The following MAPK6 variants were observed in gnomAD, a reference collection of about 807,000 sequenced individuals.
MAPK6 encodes ERK-3.
Under a neutral mutation model 59.3 loss-of-function variants are expected in MAPK6, and 19 were observed. The observed-to-expected ratio is 0.32, with a 90% CI of 0.22 to 0.47. The LOEUF is 0.47. Ranked by LOEUF, MAPK6 falls within the 20% of genes least tolerant of loss-of-function variation. The pLI, the probability that MAPK6 is intolerant of heterozygous loss-of-function variation, is 1.00. For synonymous variants in MAPK6, 316 were observed against 290.3 expected (o/e 1.09, Z -0.90); for missense variants, 724 against 847.9 (o/e 0.85, Z 1.81).
chr15:52,018,309 G>A (rs1352113434), upstream of MAPK6, among the ~76,000 whole-genome samples: 3 of 152,224 alleles, frequency 2.0e-5, no homozygotes, highest in East Asian at 1.9e-4. Flanking sequence ...GATTACAGGC[G>A]TGAACCACCA....
In MAPK6 at chr15:52,061,353, CAGA is replaced by C. The variant is rs1399418079; in HGVS notation, c.926_928del (p.Glu309del). On this transcript the variant is annotated inframe_deletion, in exon 5 of 6. Coordinates refer to ENST00000261845, the MANE Select transcript of MAPK6 (RefSeq NM_002748.4). Reference sequence around the variant, plus strand: ...TTTAGCCCCATGGATCGGTTAACAGCAGAAGAAGCACTCTCCCATCCTTACATG... The same window carrying C: ...TTTAGCCCCATGGATCGGTTAACAGCAGAAGCACTCTCCCATCCTTACATG... 6.2e-7 allele frequency: 1 copy of C among 1,614,098 alleles called. No homozygotes were observed. Among genetic ancestry groups the C allele is most frequent in the Non-Finnish European group, 8.5e-7 (1 of 1,179,986 alleles).
intron 2 of MAPK6, among the ~76,000 whole-genome samples, chr15:51,985,192 A>G (rs537314097): frequency 6.6e-6 from 1 of 152,138 alleles, no homozygotes; most frequent in East Asian, 1.9e-4. Context: ...AAATTTTTTT[A>G]ATTAGCTGGG....
intron 1 of MAPK6, among the ~76,000 whole-genome samples, chr15:51,976,787 A>G (rs1348792140): frequency 6.6e-6 from 1 of 151,480 alleles, no homozygotes; most frequent in Non-Finnish European, 1.5e-5. Context: ...TACTAAAAAT[A>G]CAAAAATTAG....
At chr15:52,024,487 G>C (rs976627650) in intron 1 of MAPK6, 2 of 150,360 alleles carry the variant, frequency 1.3e-5, no homozygotes, top group Non-Finnish European at 2.9e-5. Flanking sequence ...TGCAAGCTCC[G>C]CCTCCTGGGT....
intron 3 of MAPK6, among the ~76,000 whole-genome samples, chr15:52,053,230 C>G (rs1245729734): frequency 6.6e-6 from 1 of 151,920 alleles, no homozygotes; most frequent in Non-Finnish European, 1.5e-5. Context: ...CTTGTGCCAC[C>G]ACGCCCAGCT....
chr15:52,061,618 TAAAGATACA>T, intron 5 of MAPK6, 118 bp downstream of exon 5: 2 of 802,360 alleles, frequency 2.5e-6, no homozygotes, highest in Non-Finnish European at 3.8e-6. Context: ...TTTAGTAATG[TAAAGATACA>T]AAAATTAGTC....
At chr15:51,971,846 A>G (rs2057127658) in exon 1 of MAPK6, 2 of 1,278,946 alleles carry the variant, frequency 1.6e-6, no homozygotes, top group African/African-American at 1.5e-5. Flanking sequence ...GATTCGCCGA[A>G]GACACTCCTT....
intron 2 of MAPK6, among the ~76,000 whole-genome samples, chr15:51,983,849 C>A (rs867967130): frequency 6.6e-6 from 1 of 151,830 alleles, no homozygotes; most frequent in Non-Finnish European, 1.5e-5. Context: ...TTTGAAAGGG[C>A]AATTTGGTAT....
At chr15:52,030,871 A>G (rs1045419310) in intron 1 of MAPK6, among the ~76,000 whole-genome samples, 4 of 149,626 alleles carry the variant, frequency 2.7e-5, no homozygotes, top group African/African-American at 7.4e-5. Flanking sequence ...GGCTGACTGC[A>G]GTCTCTGCCT....
chr15:52,020,010 T>G (rs1286131056), intron 1 of MAPK6: 1 of 152,430 alleles, frequency 6.6e-6, no homozygotes, highest in Admixed American at 6.5e-5. Context: ...TCCGCCCAAG[T>G]TTTGAGTCTT....
chr15:51,997,561 G>A (rs1566895795), intron 2 of MAPK6, among the ~76,000 whole-genome samples: 1 of 151,450 alleles, frequency 6.6e-6, no homozygotes, highest in African/African-American at 2.4e-5. Context: ...CCCGGCCCAG[G>A]CAAATTTTTA....
chr15:52,044,770 A>T (rs1219059583), intron 1 of MAPK6, among the ~76,000 whole-genome samples: 2 of 152,242 alleles, frequency 1.3e-5, no homozygotes, highest in South Asian at 2.1e-4. Flanking sequence ...ATGAACCTTC[A>T]TATACATACC....
chr15:52,016,070 G>GCGCGCACACACACACACACACA, upstream of MAPK6, among the ~76,000 whole-genome samples: 1 of 55,392 alleles, frequency 1.8e-5, no homozygotes. Context: ...GCGCGCGCGC[G>GCGCGCACACACACACACACACA]CACACACACA....
chr15:52,041,798 T>A (rs2141074739), intron 1 of MAPK6, among the ~76,000 whole-genome samples: 1 of 152,320 alleles, frequency 6.6e-6, no homozygotes, highest in East Asian at 1.9e-4. Context: ...CACACACATC[T>A]TGACTTTCTT....
upstream of MAPK6, among the ~76,000 whole-genome samples, chr15:52,016,758 T>A (rs528623328): frequency 9.9e-5 from 15 of 152,074 alleles, no homozygotes; most frequent in Admixed American, 5.9e-4. Context: ...TTAAACCAGA[T>A]CCCTGGGCCA....
chr15:52,023,997 A>T (rs1027464455), intron 1 of MAPK6, among the ~76,000 whole-genome samples: 2 of 152,352 alleles, frequency 1.3e-5, no homozygotes, highest in East Asian at 3.8e-4. Flanking sequence ...GAATGTTTGT[A>T]TAGCAAATAC....
intron 1 of MAPK6, among the ~76,000 whole-genome samples, chr15:52,041,185 G>A (rs1309237518): frequency 3.5e-5 from 5 of 144,036 alleles, no homozygotes; most frequent in African/African-American, 5.9e-5. Context: ...TTTAAACTTT[G>A]TTTTTTTGTT....
intron 2 of MAPK6, among the ~76,000 whole-genome samples, chr15:51,994,797 T>C (rs2057220024): frequency 6.6e-6 from 1 of 152,166 alleles, no homozygotes; most frequent in African/African-American, 2.4e-5. Flanking sequence ...ATGAATCTAA[T>C]CATGATAAAA....
chr15:52,063,870 T>G (rs1354957691), intron 5 of MAPK6, 32 bp from the exon 6 acceptor site: 12 of 1,516,560 alleles, frequency 7.9e-6, no homozygotes, highest in Non-Finnish European at 1.1e-5. Flanking sequence ...ATCATATACG[T>G]AGAATAACGC....
Sources: allele counts gnomAD v4.1 joint callset (sites outside exome capture counted in the v4.1 genomes callset), GRCh38; gene constraint gnomAD v4.1.1; transcripts MANE v1.5; gene names NCBI Gene and HGNC (gene_info 2026-07-23, HGNC 2026-07-21).